Variants in GAB2 observed in about 807,000 individuals in gnomAD.
GAB2 encodes GRB2 associated binding protein 2, also known as GRB2-associated-binding protein 2.
In GAB2, 26 loss-of-function variants were observed where a neutral mutation model predicts 65.5. The observed-to-expected ratio is 0.40, with a 90% CI of 0.29 to 0.55. The LOEUF is 0.55. Ranked by LOEUF, GAB2 falls within the 20% of genes least tolerant of loss-of-function variation. The pLI, the probability that GAB2 is intolerant of heterozygous loss-of-function variation, is 0.53. For missense variants in GAB2, 884 were observed against 875.8 expected (o/e 1.01, Z -0.12); for synonymous variants, 321 against 329.6 (o/e 0.97, Z 0.28).
chr11:78,293,015 A>G (rs1426899700), intron 1 of GAB2, among the ~76,000 whole-genome samples: 2 of 152,212 alleles, frequency 1.3e-5, no homozygotes, highest in African/African-American at 4.8e-5. Context: ...CTGCAGATGA[A>G]TTGCTCACTA....
At chr11:78,229,994 G>C (rs1392882955) in intron 3 of GAB2, among the ~76,000 whole-genome samples, 1 of 152,198 alleles carries the variant, frequency 6.6e-6, no homozygotes, top group Non-Finnish European at 1.5e-5. Flanking sequence ...CAGGTAGCAA[G>C]TGTTACCTAT....
chr11:78,391,331 C>T (rs1856831567), intron 1 of GAB2, among the ~76,000 whole-genome samples: 1 of 152,052 alleles, frequency 6.6e-6, no homozygotes, highest in African/African-American at 2.4e-5. Flanking sequence ...ATTAAAATGA[C>T]CACAAATTCT....
At chr11:78,379,312 T>C (rs1386917678) in intron 1 of GAB2, among the ~76,000 whole-genome samples, 1 of 152,218 alleles carries the variant, frequency 6.6e-6, no homozygotes, top group Non-Finnish European at 1.5e-5. Flanking sequence ...GGCAAGATTA[T>C]TAAAAGATCT....
At chr11:78,247,950 C>A (rs1865342867) in intron 3 of GAB2, among the ~76,000 whole-genome samples, 2 of 152,206 alleles carry the variant, frequency 1.3e-5, no homozygotes, top group South Asian at 4.1e-4. Context: ...CAGAGAAGAA[C>A]ATGACTTGGT....
chr11:78,317,558 CAAA>C lies in GAB2; in HGVS notation c.76-36660_76-36658del, dbSNP rs370515492. On this transcript the variant is annotated intron_variant, in intron 1 of 9. Transcript: ENST00000361507. ...CTGGCAACAGTGCGAGACTCCGTCT[CAAA>C]AAAAAAAAAAAAAAAAAAAAGATGA... 1.5e-4 allele frequency among the ~76,000 whole-genome samples: 9 copies of C among 60,818 alleles called. No individual in the cohort carries two copies. The South Asian group carries it at 3.8e-3, about 26-fold the overall frequency. 39.9% of individuals were successfully genotyped at this position (60,818 alleles called of 152,430 possible).
chr11:78,234,043 C>T (rs983623012), intron 3 of GAB2, among the ~76,000 whole-genome samples: 8 of 152,130 alleles, frequency 5.3e-5, no homozygotes, highest in African/African-American at 1.7e-4. Context: ...CTTTGCTTAC[C>T]TCAAGATCAT....
intron 2 of GAB2, among the ~76,000 whole-genome samples, chr11:78,272,926 C>T (rs1285885888): frequency 6.6e-6 from 1 of 152,260 alleles, no homozygotes; most frequent in Non-Finnish European, 1.5e-5. Context: ...GGCCAAGGTA[C>T]AGCTTGGGCT....
At chr11:78,240,217 T>C (rs1865089957) in intron 3 of GAB2, among the ~76,000 whole-genome samples, 1 of 152,010 alleles carries the variant, frequency 6.6e-6, no homozygotes. Flanking sequence ...GGTACCCCAG[T>C]AGCTAAAATA....
intron 2 of GAB2, among the ~76,000 whole-genome samples, chr11:78,267,116 G>C (rs1865892623): frequency 6.6e-6 from 1 of 152,172 alleles, no homozygotes; most frequent in Non-Finnish European, 1.5e-5. Flanking sequence ...AGCAGGACAG[G>C]GTCCACTCCT....
chr11:78,342,816 A>G (rs1386608742), intron 1 of GAB2, among the ~76,000 whole-genome samples: 1 of 152,182 alleles, frequency 6.6e-6, no homozygotes, highest in Non-Finnish European at 1.5e-5. Flanking sequence ...CATAGTTCCT[A>G]GTACAGAACA....
At chr11:78,345,609 T>C (rs1169702183) in intron 1 of GAB2, among the ~76,000 whole-genome samples, 1 of 152,232 alleles carries the variant, frequency 6.6e-6, no homozygotes, top group African/African-American at 2.4e-5. Flanking sequence ...CATTAAACTG[T>C]GCAGAATAGT....
chr11:78,324,475 T>C (rs1193013479), intron 1 of GAB2, among the ~76,000 whole-genome samples: 1 of 152,122 alleles, frequency 6.6e-6, no homozygotes, highest in African/African-American at 2.4e-5. Context: ...TTAAGTAAAT[T>C]AGAGCAGAGG....
In GAB2 at chr11:78,417,646, A is replaced by G; in HGVS notation, c.75T>C (p.Tyr25=). The part of the protein sequence containing the change: ...KSPPEKKLRR[Y]AWKKRWFILR... ...CCTGGGCGGCCGCGCCCGCACTCAC[A>G]TAGCGCCTCAACTTCTTCTCGGGAG... Residue 25 remains tyrosine, a splice_region_variant and synonymous_variant, in exon 1 of 10, where the codon TAT becomes TAC. Transcript: ENST00000361507. The G allele has an allele frequency of 3.7e-6, 5 of 1,363,842 alleles. No individual in the cohort carries two copies. Among genetic ancestry groups the G allele is most frequent in the South Asian group, 1.3e-5 (1 of 75,342 alleles). 84.5% of individuals were successfully genotyped at this position (1,363,842 alleles called of 1,614,324 possible). A position where few individuals can be genotyped will look rare whatever the true frequency, so the allele number is the denominator to read the frequency against.
At position 78,343,594 on chromosome 11, in the gene GAB2, G is replaced by A. The variant is rs72931670; in HGVS notation, c.76-62693C>T. 7.9e-3 allele frequency among the ~76,000 whole-genome samples: 1,199 copies of A among 152,286 alleles called. 5 individuals are homozygous for A. Among genetic ancestry groups the A allele is most frequent in the Non-Finnish European group, 0.011 (770 of 68,020 alleles). On this transcript the variant is annotated intron_variant, in intron 1 of 9. Transcript: ENST00000361507. ...GATGTATCATAATCCACCCAAAGAA[G>A]CCAGGTTCAGGACCATGGGGAAAGG...
At chr11:78,227,276 C>A (rs1164752200) in intron 3 of GAB2, among the ~76,000 whole-genome samples, 1 of 152,176 alleles carries the variant, frequency 6.6e-6, no homozygotes, top group Non-Finnish European at 1.5e-5. Context: ...GGGGTTATAA[C>A]CCCCACTCCC....
rs1164437909 is a variant in GAB2 at position 78,236,266 on chromosome 11, T to G, written c.621-9215A>C. Among the ~76,000 whole-genome samples the G allele has an allele frequency of 4.6e-5, 7 of 152,364 alleles. No individual in the cohort carries two copies. The East Asian group carries it at 1.3e-3, about 29-fold the overall frequency. ...GTTCACTGCATACTGTAAAACTTATTTTTTGCATAAAAACCTTTTTATCTT... is the reference window on the plus strand; with the variant it reads ...GTTCACTGCATACTGTAAAACTTATGTTTTGCATAAAAACCTTTTTATCTT... On this transcript the variant is annotated intron_variant, in intron 3 of 9. Coordinates refer to ENST00000361507, the MANE Select transcript of GAB2 (RefSeq NM_080491.3).
At position 78,260,431 on chromosome 11, in the gene GAB2, A is replaced by G. The variant is rs1322138510; in HGVS notation, c.377-10031T>C. ...TCGAGGCATCTCATTTCAGAGATGG[A>G]AATGCCTTGTCTCCCTAGTTAGAAT... On this transcript the variant is annotated intron_variant, in intron 2 of 9. Transcript: ENST00000361507. Among the ~76,000 whole-genome samples, 3 of 152,164 alleles carry G rather than the reference A, an allele frequency of 2.0e-5. No individual in the cohort carries two copies. In the East Asian group the frequency reaches 5.8e-4, roughly 29 times the overall value.
intron 1 of GAB2, among the ~76,000 whole-genome samples, chr11:78,282,943 A>G (rs968834815): frequency 2.0e-5 from 3 of 152,148 alleles, no homozygotes; most frequent in Non-Finnish European, 4.4e-5. Context: ...TTATTTACCC[A>G]GCAAACCCCA....
chr11:78,403,098 G>A (rs1856995634), intron 1 of GAB2, among the ~76,000 whole-genome samples: 1 of 152,184 alleles, frequency 6.6e-6, no homozygotes, highest in African/African-American at 2.4e-5. Context: ...CTTGATCTTG[G>A]ACTTGCCAGC....
Sources: gnomAD v4.1 joint callset for allele counts (sites outside exome capture counted in the v4.1 genomes callset) on GRCh38, gnomAD v4.1.1 for gene constraint, MANE v1.5 for transcripts, NCBI Gene and HGNC (gene_info 2026-07-23, HGNC 2026-07-21) for gene names.